Variants in BMPR2 observed in about 807,000 individuals in gnomAD.
The protein encoded by BMPR2 is bone morphogenetic protein receptor type 2.
BMPR2 carries 29 observed loss-of-function variants against 100.8 expected under a neutral mutation model. That is an observed-to-expected ratio of 0.29 (90% confidence interval 0.21 to 0.39). The LOEUF (loss-of-function observed/expected upper bound fraction) is 0.39. BMPR2 is among the 10% of genes least tolerant of loss of function. BMPR2 has a pLI of 1.00. For missense variants in BMPR2, 1,011 were observed against 1,274.5 expected, an observed-to-expected ratio of 0.79 and a Z score of 3.15; for synonymous variants, 382 against 442.3, an observed-to-expected ratio of 0.86 and a Z score of 1.71.
intron 1 of BMPR2, among the ~76,000 whole-genome samples, chr2:202,400,554 G>T (rs1479095937): frequency 2.6e-5 from 4 of 152,112 alleles, no homozygotes; most frequent in Admixed American, 2.6e-4. Context: ...AAAAGTACTG[G>T]TAGAGGAAGT....
At position 202,534,513 on chromosome 2, in the gene BMPR2, C is replaced by T. The variant is rs374897322; in HGVS notation, c.1276+1781C>T. 3.4e-3 allele frequency among the ~76,000 whole-genome samples: 511 copies of T among 152,184 alleles called. 5 individuals carry two copies. In the South Asian group the frequency reaches 0.043, roughly 13 times the overall value. ...CTGTTTAACAAAGCACATCTTGCAC[C>T]GCCCTTAATCCATTTAACCCTGAGT... On this transcript the variant is annotated intron_variant, in intron 9 of 12. Coordinates refer to ENST00000374580, the MANE Select transcript of BMPR2 (RefSeq NM_001204.7).
intron 1 of BMPR2, among the ~76,000 whole-genome samples, chr2:202,416,482 G>A (rs1248702634): frequency 1.3e-5 from 2 of 150,012 alleles, no homozygotes; most frequent in African/African-American, 4.9e-5. Context: ...CTGGAGTGCA[G>A]TGGTGCGATC....
intron 1 of BMPR2, among the ~76,000 whole-genome samples, chr2:202,453,903 A>C (rs1465629232): frequency 1.3e-5 from 2 of 152,148 alleles, no homozygotes; most frequent in Non-Finnish European, 2.9e-5. Context: ...AACTCATTGC[A>C]TGTCTGTATC....
rs575888585 is a variant in BMPR2, at chr2:202,556,590, A to C, written c.2866+59A>C. ...GTCTTTTGGGGCCATTTAAATAACTATTTAGAATCAACTAATAGATATATT... is the reference window on the plus strand; with the variant it reads ...GTCTTTTGGGGCCATTTAAATAACTCTTTAGAATCAACTAATAGATATATT... On this transcript the variant is annotated intron_variant, in intron 12 of 12. Transcript: ENST00000374580. 2.3e-5 allele frequency: 36 copies of C among 1,550,456 alleles called. No homozygotes were observed. In the South Asian group the frequency reaches 3.9e-4, roughly 17 times the overall value.
intron 3 of BMPR2, among the ~76,000 whole-genome samples, chr2:202,512,139 C>G (rs755410144): frequency 6.9e-4 from 105 of 152,148 alleles, no homozygotes; most frequent in Non-Finnish European, 1.2e-3. Context: ...TTTTAATAAG[C>G]AACTTCTACT....
intron 3 of BMPR2, among the ~76,000 whole-genome samples, chr2:202,506,623 G>A (rs747482339): frequency 2.0e-5 from 3 of 152,036 alleles, no homozygotes; most frequent in East Asian, 1.9e-4. Flanking sequence ...TCCATAGGCC[G>A]GGTGCGGTGG....
In BMPR2 at chr2:202,560,001, A is replaced by G. The variant is rs543259983; in HGVS notation, c.*55A>G. 1.7e-5 allele frequency: 27 copies of G among 1,606,654 alleles called. No homozygotes were observed. The highest frequency in any genetic ancestry group is 2.2e-5 in the Non-Finnish European group (26 of 1,177,248). On this transcript the variant is annotated 3_prime_UTR_variant, in exon 13 of 13. Transcript: ENST00000374580. ...TTTTTTGCATCATTTAAACATGCAG[A>G]AGATGTTTAAAAATAAAAAAAAAAC...
intron 5 of BMPR2, 65 bp from the exon 6 acceptor site, chr2:202,518,756 AT>A: frequency 8.0e-7 from 1 of 1,257,766 alleles, no homozygotes; most frequent in East Asian, 2.4e-5. Flanking sequence ...TTTGTACTTT[AT>A]TATTTAGTAA....
At chr2:202,506,346 C>T (rs1419821673) in intron 3 of BMPR2, among the ~76,000 whole-genome samples, 1 of 151,984 alleles carries the variant, frequency 6.6e-6, no homozygotes, top group African/African-American at 2.4e-5. Context: ...TTAGTAGAGA[C>T]AGGGTTTCGC....
intron 3 of BMPR2, among the ~76,000 whole-genome samples, chr2:202,498,425 G>A (rs541420368): frequency 2.0e-5 from 3 of 152,214 alleles, no homozygotes; most frequent in African/African-American, 7.2e-5. Flanking sequence ...TCTTGGGCAG[G>A]GGTTGTTTCT....
At chr2:202,379,527 C>G (rs532921646) in intron 1 of BMPR2, among the ~76,000 whole-genome samples, 2 of 152,324 alleles carry the variant, frequency 1.3e-5, no homozygotes, top group African/African-American at 4.8e-5. Flanking sequence ...GGGACACTTA[C>G]AAGGTGTTAG....
intron 3 of BMPR2, among the ~76,000 whole-genome samples, chr2:202,513,443 TA>T (rs1687658289): frequency 1.3e-5 from 2 of 152,224 alleles, no homozygotes; most frequent in African/African-American, 4.8e-5. Flanking sequence ...CTATCCTGTC[TA>T]ATCTGTTTCA....
chr2:202,512,835 T>C (rs905162600), intron 3 of BMPR2, among the ~76,000 whole-genome samples: 1 of 152,146 alleles, frequency 6.6e-6, no homozygotes, highest in Non-Finnish European at 1.5e-5. Flanking sequence ...AGAAGTGAGC[T>C]TCAAGTCCTA....
At position 202,495,202 on chromosome 2, in the gene BMPR2, C is replaced by T. The variant is rs1400642507; in HGVS notation, c.419-18517C>T. ...GATTTCTGTATCCCAGGGTTTCCTG[C>T]CTTGGTGTACGGGAAGAGTCGGCTC... is the stretch of plus-strand genomic sequence containing the variant. On this transcript the variant is annotated intron_variant, in intron 3 of 12. Coordinates refer to ENST00000374580, the MANE Select transcript of BMPR2 (RefSeq NM_001204.7). This position sits in a 1 kb window ranked among gnomAD's most constrained non-coding sequence, Gnocchi z 4.5. Among the ~76,000 whole-genome samples the T allele has an allele frequency of 1.3e-5, 2 of 152,182 alleles. No individual in the cohort carries two copies. The highest frequency in any genetic ancestry group is 2.9e-5 in the Non-Finnish European group (2 of 68,032).
At chr2:202,407,298 T>C (rs74182351) in intron 1 of BMPR2, among the ~76,000 whole-genome samples, 18,667 of 151,812 alleles carry the variant, frequency 0.12, 1,230 homozygotes, top group Admixed American at 0.14. Flanking sequence ...AGGCTGGTCT[T>C]AAACTCCTGA....
chr2:202,448,649 G>A (rs1432325328), intron 1 of BMPR2, among the ~76,000 whole-genome samples: 1 of 150,686 alleles, frequency 6.6e-6, no homozygotes, highest in Non-Finnish European at 1.5e-5. Context: ...TTAGAGACGG[G>A]GTTTCGACAT....
chr2:202,404,365 T>G (rs1690839496), intron 1 of BMPR2, among the ~76,000 whole-genome samples: 1 of 152,042 alleles, frequency 6.6e-6, no homozygotes, highest in South Asian at 2.1e-4. Flanking sequence ...CTAATTTTTA[T>G]ATATTTTTTT....
chr2:202,450,419 A>G (rs1691953858), intron 1 of BMPR2, among the ~76,000 whole-genome samples: 1 of 152,088 alleles, frequency 6.6e-6, no homozygotes, highest in South Asian at 2.1e-4. Flanking sequence ...GGGCTGGGCG[A>G]GGTGGCTCAT....
intron 1 of BMPR2, among the ~76,000 whole-genome samples, chr2:202,458,026 C>A (rs1692154556): frequency 6.6e-6 from 1 of 152,060 alleles, no homozygotes; most frequent in Non-Finnish European, 1.5e-5. Flanking sequence ...CCACCATGCC[C>A]AGACTTTACT....
Sources: allele counts gnomAD v4.1 joint callset (sites outside exome capture counted in the v4.1 genomes callset), GRCh38; gene constraint gnomAD v4.1.1; non-coding constraint Gnocchi (gnomAD v3.1); transcripts MANE v1.5; gene names NCBI Gene and HGNC (gene_info 2026-07-23, HGNC 2026-07-21).